The following PTPRN2 variants were observed in gnomAD, a reference collection of about 807,000 sequenced individuals.
PTPRN2 encodes the protein receptor-type tyrosine-protein phosphatase N2.
PTPRN2 carries 74 observed loss-of-function variants against 118.8 expected under a neutral mutation model. The ratio of observed to expected loss-of-function variants is 0.62; its 90% CI spans 0.52 to 0.76. The LOEUF is 0.76. Ranked by LOEUF, PTPRN2 falls within the 30% of genes least tolerant of loss-of-function variation. PTPRN2 has a pLI of 0.00. For missense variants in PTPRN2, 1,481 were observed against 1,394.4 expected (o/e 1.06, Z -0.99); for synonymous variants, 641 against 608.0 (o/e 1.05, Z -0.80).
chr7:158,389,287 C>T (rs925683281), intron 2 of PTPRN2, among the ~76,000 whole-genome samples: 4 of 152,232 alleles, frequency 2.6e-5, no homozygotes, highest in African/African-American at 7.2e-5. Flanking sequence ...CAGGCTGCGA[C>T]GCATGTGGAG....
chr7:158,541,528 T>C (rs776383264), intron 1 of PTPRN2: 4 of 1,352,020 alleles, frequency 3.0e-6, no homozygotes, highest in Admixed American at 1.9e-5. Context: ...CTGGGCAAGG[T>C]GTGGCTCACA....
chr7:157,850,032 C>T (rs1199111919), intron 12 of PTPRN2, among the ~76,000 whole-genome samples: 1 of 152,188 alleles, frequency 6.6e-6, no homozygotes, highest in Non-Finnish European at 1.5e-5. Flanking sequence ...CAGTTTAAAC[C>T]ACTTTCTACT....
At chr7:158,105,150 T>C (rs1815572522) in intron 10 of PTPRN2, among the ~76,000 whole-genome samples, 1 of 138,188 alleles carries the variant, frequency 7.2e-6, no homozygotes, top group African/African-American at 2.8e-5. Context: ...TCCTCAGCTT[T>C]ATCTCAACTC....
At chr7:158,277,802 G>T (rs1040847076) in intron 3 of PTPRN2, among the ~76,000 whole-genome samples, 5 of 152,182 alleles carry the variant, frequency 3.3e-5, no homozygotes, top group African/African-American at 1.2e-4. Flanking sequence ...CAGCTACAGA[G>T]GCTCCTCCTC....
chr7:157,741,170 A>G (rs1563059533), intron 12 of PTPRN2, among the ~76,000 whole-genome samples: 1 of 152,230 alleles, frequency 6.6e-6, no homozygotes, highest in African/African-American at 2.4e-5. Context: ...CACCAGCCCT[A>G]TGGAAAAGAG....
intron 12 of PTPRN2, among the ~76,000 whole-genome samples, chr7:157,855,396 C>T (rs943216274): frequency 6.6e-6 from 1 of 152,212 alleles, no homozygotes; most frequent in African/African-American, 2.4e-5. Flanking sequence ...ACAACAGTTT[C>T]CAAACAACAA....
rs771061849 is a variant in PTPRN2, at chr7:157,671,058, C to G, written c.2001+11667G>C. Among the ~76,000 whole-genome samples, 9 of 152,206 alleles carry G rather than the reference C, an allele frequency of 5.9e-5. No homozygotes were observed. The highest frequency in any genetic ancestry group is 8.8e-5 in the Non-Finnish European group (6 of 68,032). On this transcript the variant is annotated intron_variant, in intron 13 of 22. Transcript: ENST00000389418. This position sits in a 1 kb window ranked among gnomAD's most constrained non-coding sequence, Gnocchi z 4.1. The stretch of plus-strand genomic sequence containing the variant: ...CCCCATGGGCGGGCAGGACTCTGGA[C>G]CTGAGAATTGCACAGGATGGTTTCC...
At chr7:158,351,988 T>A (rs71544575) in intron 2 of PTPRN2, among the ~76,000 whole-genome samples, 25 of 72,322 alleles carry the variant, frequency 3.5e-4, no homozygotes, top group African/African-American at 1.2e-3. Flanking sequence ...TCCCCTCCTG[T>A]CCGCTCCCCT....
chr7:158,073,764 A>G (rs1812132579), intron 11 of PTPRN2, among the ~76,000 whole-genome samples: 1 of 151,244 alleles, frequency 6.6e-6, no homozygotes, highest in Non-Finnish European at 1.5e-5. Context: ...GCATTCGCTT[A>G]TGGACAAAGA....
At chr7:157,605,474 C>T (rs1274157506) in intron 15 of PTPRN2, among the ~76,000 whole-genome samples, 1 of 152,338 alleles carries the variant, frequency 6.6e-6, no homozygotes, top group African/African-American at 2.4e-5. Flanking sequence ...CACAGTGTGG[C>T]GAGCAGGGGG....
chr7:157,749,034 A>G (rs1378777563), intron 12 of PTPRN2, among the ~76,000 whole-genome samples: 6 of 44,508 alleles, frequency 1.3e-4, no homozygotes, highest in South Asian at 1.1e-3. Flanking sequence ...TGGGCTGTTG[A>G]GGTGATTCTG....
intron 10 of PTPRN2, among the ~76,000 whole-genome samples, chr7:158,101,952 G>T (rs527670843): frequency 6.6e-6 from 1 of 152,134 alleles, no homozygotes; most frequent in African/African-American, 2.4e-5. Context: ...ACTACGCCAC[G>T]GTGGGCCCTG....
intron 3 of PTPRN2, among the ~76,000 whole-genome samples, chr7:158,254,803 G>C (rs184018468): frequency 6.6e-6 from 1 of 152,380 alleles, no homozygotes; most frequent in East Asian, 1.9e-4. Context: ...AGGAAACTAC[G>C]ACAGTCATCT....
chr7:158,504,652 C>T (rs888410681), intron 1 of PTPRN2, among the ~76,000 whole-genome samples: 1 of 152,228 alleles, frequency 6.6e-6, no homozygotes, highest in Non-Finnish European at 1.5e-5. Flanking sequence ...GTACACACAA[C>T]TTTATAACCT....
At chr7:157,905,915 G>A (rs1051379716) in intron 11 of PTPRN2, among the ~76,000 whole-genome samples, 3 of 152,152 alleles carry the variant, frequency 2.0e-5, no homozygotes, top group Non-Finnish European at 2.9e-5. Context: ...GTTTCTGGCC[G>A]AGCTGAAACG....
chr7:157,709,236 G>A (rs969380046), intron 12 of PTPRN2, among the ~76,000 whole-genome samples: 4 of 152,226 alleles, frequency 2.6e-5, no homozygotes, highest in African/African-American at 7.2e-5. Flanking sequence ...GAGGCCATAC[G>A]TGCCACAGAT....
rs1828193592 is a variant in PTPRN2, at chr7:158,574,024, A to G, written c.112+13534T>C. 6.6e-6 allele frequency among the ~76,000 whole-genome samples: 1 copy of G among 152,212 alleles called. No individual in the cohort carries two copies. On this transcript the variant is annotated intron_variant, in intron 1 of 22. Coordinates refer to ENST00000389418, the MANE Select transcript of PTPRN2 (RefSeq NM_002847.5). This position sits in a 1 kb window ranked among gnomAD's most constrained non-coding sequence, Gnocchi z 4.6. The stretch of plus-strand genomic sequence containing the variant: ...AAATACAAGAAAATCTGTACTTCCA[A>G]TGGGAGCTCTTCTTTAGACACATTT...
At chr7:158,423,991 T>C (rs1478858512) in intron 2 of PTPRN2, among the ~76,000 whole-genome samples, 3 of 152,210 alleles carry the variant, frequency 2.0e-5, no homozygotes, top group Non-Finnish European at 4.4e-5. Context: ...ATTTTCACTT[T>C]TTTAGACGAG....
At position 157,690,050 on chromosome 7, in the gene PTPRN2, C is replaced by G. The variant is rs1269024448; in HGVS notation, c.1789-7113G>C. Among the ~76,000 whole-genome samples the G allele has an allele frequency of 6.6e-6, 1 of 152,228 alleles. No individual in the cohort carries two copies. Among genetic ancestry groups the G allele is most frequent in the Non-Finnish European group, 1.5e-5 (1 of 68,038 alleles). ...CCTGCACCCCCCCACCCCCAGCACC[C>G]TGCAATGGTCGGAACTGCAGGGAGT... On this transcript the variant is annotated intron_variant, in intron 12 of 22. Transcript: ENST00000389418. This position sits in a 1 kb window ranked among gnomAD's most constrained non-coding sequence, Gnocchi z 7.1.
Sources: allele counts gnomAD v4.1 joint callset (sites outside exome capture counted in the v4.1 genomes callset), GRCh38; gene constraint gnomAD v4.1.1; non-coding constraint Gnocchi (gnomAD v3.1); transcripts MANE v1.5; gene names NCBI Gene and HGNC (gene_info 2026-07-23, HGNC 2026-07-21).